ITPR3: variants seen among roughly 807,000 people sequenced by gnomAD.
ITPR3 encodes inositol 1,4,5-trisphosphate-gated calcium channel ITPR3.
In ITPR3, 173 loss-of-function variants were observed where a neutral mutation model predicts 293.2. The ratio of observed to expected loss-of-function variants is 0.59; its 90% CI spans 0.52 to 0.67. ITPR3 has a LOEUF of 0.67. Among genes scored for constraint, ITPR3 ranks in the 30% least tolerant of loss-of-function variants. The pLI is 0.00. For missense variants in ITPR3, 2,796 were observed against 3,592.1 expected (o/e 0.78, Z 5.66); for synonymous variants, 1,295 against 1,444.4 (o/e 0.90, Z 2.35).
At chr6:33,631,710 T>G (rs766469108) in intron 1 of ITPR3, among the ~76,000 whole-genome samples, 1 of 151,940 alleles carries the variant, frequency 6.6e-6, no homozygotes, top group Non-Finnish European at 1.5e-5. Context: ...TGGAGCAGAG[T>G]GTTCCCCAAC....
At position 33,674,213 on chromosome 6, in the gene ITPR3, A is replaced by G. The variant is rs777172671; in HGVS notation, c.3064A>G (p.Asn1022Asp). Residue 1022 changes from asparagine to aspartate, a missense_variant, in exon 24 of 58, where the codon AAC becomes GAC. Physicochemically the swap from Asn to Asp is conservative, Grantham distance 23. This residue lies in a region of ITPR3 where 955 missense variants were observed against 1,180.8 expected (regional missense o/e 0.81). Transcript: ENST00000605930. ...ATCTGCCCCTCTCCCCACAGCTGCC[A>G]ACATGAACCTGGATCGCATCGGGGA... Reference protein sequence around the residue: ...TAPAFDSTTANMNLDRIGEQA... With the variant: ...TAPAFDSTTADMNLDRIGEQA... The G allele has an allele frequency of 1.2e-6, 2 of 1,614,094 alleles. No homozygotes were observed. The highest frequency in any genetic ancestry group is 1.7e-6 in the Non-Finnish European group (2 of 1,179,958).
At position 33,688,191 on chromosome 6, in the gene ITPR3, G is replaced by A. The variant is rs147230646; in HGVS notation, c.6375+24G>A. ...AGGTGGGCCTGTGGGCAGCAGGGGC[G>A]GGCGTGGGAGCCTGCGCCGGGCGTG... On this transcript the variant is annotated intron_variant, in intron 47 of 57. Coordinates refer to ENST00000605930, the MANE Select transcript of ITPR3 (RefSeq NM_002224.4). 2.0e-4 allele frequency: 322 copies of A among 1,613,756 alleles called. 1 individual carries two copies. The highest frequency in any genetic ancestry group is 8.3e-4 in the Middle Eastern group (5 of 6,060).
chr6:33,621,376 G>A lies in ITPR3; in HGVS notation c.-227G>A, dbSNP rs1288408098. On this transcript the variant is annotated 5_prime_UTR_variant, in exon 1 of 58. Coordinates refer to ENST00000605930, the MANE Select transcript of ITPR3 (RefSeq NM_002224.4). The surrounding 1 kb of genome is among the most constrained non-coding windows in gnomAD (Gnocchi z 7.7). Reference sequence around the variant, plus strand: ...ACGCGCGGGCCGGGCGGGGCGGGCGGGCGGCGGGCGCGCCAAGACGTGGGC... The same window carrying A: ...ACGCGCGGGCCGGGCGGGGCGGGCGAGCGGCGGGCGCGCCAAGACGTGGGC... 1.5e-5 allele frequency: 4 copies of A among 260,992 alleles called. No homozygotes were observed. The East Asian group carries it at 2.9e-4, about 19-fold the overall frequency. The allele number at this position is 260,992 out of a possible 1,614,324, so 16.2% of individuals were successfully genotyped here.
In ITPR3 at chr6:33,690,805, T is replaced by C. The variant is rs184386509; in HGVS notation, c.7033-112T>C. On this transcript the variant is annotated intron_variant, in intron 51 of 57. Transcript: ENST00000605930. ...AAGTGCAGACCTCCCTGGAGGAGCC[T>C]TGGGAAACTGTCTGGAGCCCAGGCA... is the stretch of plus-strand genomic sequence containing the variant. The C allele has an allele frequency of 1.1e-4, 113 of 991,842 alleles. 1 individual carries two copies. In the African/African-American group the frequency reaches 1.6e-3, roughly 14 times the overall value. 61.4% of individuals were successfully genotyped at this position (991,842 alleles called of 1,614,324 possible). A position where few individuals can be genotyped will look rare whatever the true frequency, so the allele number is the denominator to read the frequency against.
rs930116704 is a variant in ITPR3, at chr6:33,689,412, T to C, written c.6867+2T>C. On this transcript the variant is annotated splice_donor_variant, in intron 50 of 57. Transcript: ENST00000605930. LOFTEE classifies it high-confidence loss of function. Reference sequence around the variant, plus strand: ...CTCAACATCCTGGGTGCCCTCAATGTGAGTGCCAGAGGGAGCCCCCATTCC... The same window carrying C: ...CTCAACATCCTGGGTGCCCTCAATGCGAGTGCCAGAGGGAGCCCCCATTCC... The C allele has an allele frequency of 6.2e-7, 1 of 1,608,270 alleles. No homozygotes were observed. The highest frequency in any genetic ancestry group is 8.5e-7 in the Non-Finnish European group (1 of 1,179,904).
At position 33,654,361 on chromosome 6, in the gene ITPR3, A is replaced by G. The variant is rs954866074; in HGVS notation, c.161-1405A>G. 4.6e-5 allele frequency among the ~76,000 whole-genome samples: 7 copies of G among 152,166 alleles called. No homozygotes were observed. The highest frequency in any genetic ancestry group is 1.0e-4 in the Non-Finnish European group (7 of 68,028). ...GAAGTGATGTCCACTCATGCTGGCA[A>G]TGCTGAGGGGCCTAGGTGGGGCAGC... On this transcript the variant is annotated intron_variant, in intron 2 of 57. Coordinates refer to ENST00000605930, the MANE Select transcript of ITPR3 (RefSeq NM_002224.4). This position sits in a 1 kb window ranked among gnomAD's most constrained non-coding sequence, Gnocchi z 4.1.
intron 1 of ITPR3, among the ~76,000 whole-genome samples, chr6:33,628,133 C>T (rs569344408): frequency 2.8e-4 from 43 of 152,346 alleles, no homozygotes; most frequent in African/African-American, 9.4e-4. Context: ...CACCAGCTTT[C>T]TGTTTTCAGC....
At position 33,688,225 on chromosome 6, in the gene ITPR3, C is replaced by T; in HGVS notation, c.6376-14C>T. Reference sequence around the variant, plus strand: ...AGCCTGCGCCGGGCGTGACCATGTGCTGTGTGTGCTCAGATTGTGCGGCAG... The same window carrying T: ...AGCCTGCGCCGGGCGTGACCATGTGTTGTGTGTGCTCAGATTGTGCGGCAG... On this transcript the variant is annotated splice_polypyrimidine_tract_variant and intron_variant, in intron 47 of 57. Transcript: ENST00000605930. 1 of 1,614,160 alleles carries T rather than the reference C, an allele frequency of 6.2e-7. No individual in the cohort carries two copies. The highest frequency in any genetic ancestry group is 8.5e-7 in the Non-Finnish European group (1 of 1,180,010).
In ITPR3 at chr6:33,679,936, G is replaced by A; in HGVS notation, c.4027G>A (p.Ala1343Thr). The A allele has an allele frequency of 6.2e-7, 1 of 1,613,844 alleles. No individual in the cohort carries two copies. Residue 1343 changes from alanine (A) to threonine (T), a missense_variant, in exon 31 of 58, where the codon GCC becomes ACC. Physicochemically the swap from Ala to Thr is moderately conservative, Grantham distance 58. Coordinates refer to ENST00000605930, the MANE Select transcript of ITPR3 (RefSeq NM_002224.4). This position sits in a 1 kb window ranked among gnomAD's most constrained non-coding sequence, Gnocchi z 4.2. ...VVFYNDKASL[A>T]HLLDMMKAAR... is the part of the protein sequence containing the mutation. ...GTTCTACAATGATAAGGCATCGCTG[G>A]CCCACCTGCTGGACATGATGAAGGC...
rs1455078550 is a variant in ITPR3, at chr6:33,684,012, C to T, written c.4789-8C>T. The T allele has an allele frequency of 6.3e-7, 1 of 1,593,070 alleles. No individual in the cohort carries two copies. The highest frequency in any genetic ancestry group is 1.1e-5 in the South Asian group (1 of 89,404). On this transcript the variant is annotated splice_polypyrimidine_tract_variant and splice_region_variant and intron_variant, in intron 35 of 57. Coordinates refer to ENST00000605930, the MANE Select transcript of ITPR3 (RefSeq NM_002224.4). This position sits in a 1 kb window ranked among gnomAD's most constrained non-coding sequence, Gnocchi z 4.2. ...GGCCTGGCAATGACTCTGCCCTGCC[C>T]ACCCCAGGACATCATCACAGCCCTG...
At chr6:33,635,837 T>G (rs1582103643) in intron 1 of ITPR3, among the ~76,000 whole-genome samples, 5 of 136,710 alleles carry the variant, frequency 3.7e-5, no homozygotes, top group East Asian at 2.1e-4. Context: ...AGCAGAGGGG[T>G]GAGGGGAAGG....
chr6:33,677,012 CA>C lies in ITPR3; in HGVS notation c.3448-2del. ...CTGATCTCCTTCCTCTCTCTGCTTT[CA>C]GCGTCCCACGGACGAGGAGGGCTTT... On this transcript the variant is annotated splice_acceptor_variant, in intron 26 of 57. Coordinates refer to ENST00000605930, the MANE Select transcript of ITPR3 (RefSeq NM_002224.4). LOFTEE classifies it high-confidence loss of function. The C allele has an allele frequency of 6.2e-7, 1 of 1,614,176 alleles. No homozygotes were observed. The highest frequency in any genetic ancestry group is 8.5e-7 in the Non-Finnish European group (1 of 1,179,996).
Position 33,655,485 on chromosome 6 carries a change from C to T in ITPR3, c.161-281C>T, listed in dbSNP as rs895650944. On this transcript the variant is annotated intron_variant, in intron 2 of 57. Transcript: ENST00000605930. The surrounding 1 kb of genome is among the most constrained non-coding windows in gnomAD (Gnocchi z 4.9). ...ACATGGCATAAGGGTGAGGCCCCAG[C>T]AGCCTCTGGTAAATCTCCTAGGGGA... Among the ~76,000 whole-genome samples the T allele has an allele frequency of 6.6e-6, 1 of 152,212 alleles. No homozygotes were observed. The highest frequency in any genetic ancestry group is 1.5e-5 in the Non-Finnish European group (1 of 68,030).
chr6:33,678,053 C>CA (rs776504159), intron 28 of ITPR3, among the ~76,000 whole-genome samples: 17 of 152,138 alleles, frequency 1.1e-4, no homozygotes, highest in Non-Finnish European at 2.2e-4. Context: ...TTTGATTCCT[C>CA]ATCCTGACAT....
At chr6:33,622,057 G>A (rs1387130291) in intron 1 of ITPR3, among the ~76,000 whole-genome samples, 4 of 152,170 alleles carry the variant, frequency 2.6e-5, no homozygotes, top group Non-Finnish European at 4.4e-5. Flanking sequence ...GACGTGCCCG[G>A]CTCTGAGGGT....
At position 33,671,153 on chromosome 6, in the gene ITPR3, C is replaced by T. The variant is rs1222138651; in HGVS notation, c.2587-12C>T. On this transcript the variant is annotated splice_polypyrimidine_tract_variant and intron_variant, in intron 20 of 57. Transcript: ENST00000605930. ...CCCCTCCCACCTCACCTCGGCCACG[C>T]CCCCTTCGCAGGTGGTCAGCCTGGC... 4 of 1,612,988 alleles carry T rather than the reference C, an allele frequency of 2.5e-6. No individual in the cohort carries two copies. The highest frequency in any genetic ancestry group is 1.1e-5 in the South Asian group (1 of 91,024).
At chr6:33,643,859 TATTGTG>T (rs1764006596) in intron 2 of ITPR3, among the ~76,000 whole-genome samples, 1 of 152,158 alleles carries the variant, frequency 6.6e-6, no homozygotes, top group Non-Finnish European at 1.5e-5. Flanking sequence ...GGCTTATTGT[TATTGTG>T]ATTAAGATAT....
At position 33,640,691 on chromosome 6, in the gene ITPR3, C is replaced by A; in HGVS notation, c.160+137C>A. On this transcript the variant is annotated intron_variant, in intron 2 of 57. Transcript: ENST00000605930. ...TGCCCTGCAGACCTCACTCTGCTGTCGGCGGAATCCCCCTTGGCTTGCACT... is the reference window on the plus strand; with the variant it reads ...TGCCCTGCAGACCTCACTCTGCTGTAGGCGGAATCCCCCTTGGCTTGCACT... The A allele has an allele frequency of 6.0e-6, 4 of 665,930 alleles. No individual in the cohort carries two copies. In the South Asian group the frequency reaches 6.7e-5, roughly 11 times the overall value. The allele number at this position is 665,930 out of a possible 1,614,324, so 41.3% of individuals were successfully genotyped here.
rs531158838 is a variant in ITPR3 at position 33,683,329 on chromosome 6, C to T, written c.4720C>T (p.Arg1574Trp). Residue 1574 changes from arginine to tryptophan, a missense_variant, in exon 35 of 58, where the codon CGG (arginine) becomes TGG (tryptophan). By Grantham distance (101) the Arg-to-Trp change is moderately radical. Around this residue, in one of 8 missense-constraint regions of ITPR3, gnomAD observed 704 missense variants for 797.5 expected, o/e 0.88. Transcript: ENST00000605930. The surrounding 1 kb of genome is among the most constrained non-coding windows in gnomAD (Gnocchi z 4.5). ...CGCCTCCAGCTACAAGGCAACCACG[C>T]GGGCCTTCCCCCGCGTCACCCCCAC... ...RNASSYKATTRAFPRVTPTAN... is the reference protein window; with the variant it reads ...RNASSYKATTWAFPRVTPTAN... 5.6e-6 allele frequency: 9 copies of T among 1,594,294 alleles called. No homozygotes were observed. Among genetic ancestry groups the T allele is most frequent in the African/African-American group, 2.7e-5 (2 of 74,846 alleles).
Sources: gnomAD v4.1 joint callset for allele counts (sites outside exome capture counted in the v4.1 genomes callset) on GRCh38, gnomAD v4.1.1 for gene constraint, gnomAD v4.1.1 regional missense constraint, Gnocchi (gnomAD v3.1) non-coding constraint, MANE v1.5 for transcripts, NCBI Gene and HGNC (gene_info 2026-07-23, HGNC 2026-07-21) for gene names.